Variants in UTRN observed in about 807,000 individuals in gnomAD.
UTRN encodes dystrophin-related protein 1.
UTRN carries 283 observed loss-of-function variants against 463.9 expected under a neutral mutation model. The ratio of observed to expected loss-of-function variants is 0.61; its 90% CI spans 0.55 to 0.67. The LOEUF (loss-of-function observed/expected upper bound fraction) is 0.67, where lower values mean the gene tolerates loss of function less well. UTRN is among the 30% of genes least tolerant of loss of function. UTRN has a pLI of 0.00. For synonymous variants in UTRN, 1,442 were observed against 1,431.5 expected (o/e 1.01, Z -0.17); for missense variants, 3,922 against 4,084.3 (o/e 0.96, Z 1.08).
chr6:144,787,826 G>A (rs1776414964), intron 61 of UTRN, among the ~76,000 whole-genome samples: 1 of 152,078 alleles, frequency 6.6e-6, no homozygotes, highest in African/African-American at 2.4e-5. Context: ...TTTTAAGTGT[G>A]CTGTACTTGT....
intron 51 of UTRN, among the ~76,000 whole-genome samples, chr6:144,635,535 C>CTTTTTTTTTTTTTTTTTT (rs1219903798): frequency 1.2e-4 from 4 of 33,186 alleles, no homozygotes; most frequent in African/African-American, 2.5e-4. Flanking sequence ...TTTTTCTTTT[C>CTTTTTTTTTTTTTTTTTT]TTTTTTTTTT....
intron 51 of UTRN, among the ~76,000 whole-genome samples, chr6:144,606,341 A>T (rs1804846657): frequency 6.6e-6 from 1 of 152,366 alleles, no homozygotes; most frequent in South Asian, 2.1e-4. Flanking sequence ...GAGGGTGTCT[A>T]TGACCTATAA....
chr6:144,732,227 T>C (rs940856142), intron 54 of UTRN, among the ~76,000 whole-genome samples: 5 of 45,972 alleles, frequency 1.1e-4, no homozygotes, highest in Non-Finnish European at 1.1e-4. Context: ...TATATATATA[T>C]ATATATATAT....
At chr6:144,335,211 G>C (rs1406164703) in intron 2 of UTRN, among the ~76,000 whole-genome samples, 4 of 152,188 alleles carry the variant, frequency 2.6e-5, no homozygotes, top group Non-Finnish European at 5.9e-5. Context: ...ATGTGAAATG[G>C]CACATAAGTG....
At chr6:144,403,402 C>G (rs1301067331) in intron 3 of UTRN, among the ~76,000 whole-genome samples, 2 of 152,136 alleles carry the variant, frequency 1.3e-5, no homozygotes, top group African/African-American at 4.8e-5. Flanking sequence ...TTTTACCTGG[C>G]CTTCTCCAGA....
intron 51 of UTRN, among the ~76,000 whole-genome samples, chr6:144,647,988 A>C (rs1407211740): frequency 6.6e-6 from 1 of 152,238 alleles, no homozygotes; most frequent in Admixed American, 6.5e-5. Flanking sequence ...GATGGTAAAC[A>C]CTATGCTATT....
At chr6:144,841,856 A>G (rs182780355) in intron 73 of UTRN, among the ~76,000 whole-genome samples, 1 of 152,244 alleles carries the variant, frequency 6.6e-6, no homozygotes, top group East Asian at 1.9e-4. Flanking sequence ...TCACACCTAT[A>G]ATCCCAGCAC....
Position 144,374,728 on chromosome 6 carries a change from C to G in UTRN, c.80-28395C>G, listed in dbSNP as rs1462582670. 2.0e-5 allele frequency among the ~76,000 whole-genome samples: 3 copies of G among 151,550 alleles called. No individual in the cohort carries two copies. In the East Asian group the frequency reaches 5.9e-4, roughly 30 times the overall value. ...TAATCTCCTGACCTCGGGATCCGCC[C>G]GCCCCTGCCTCCCAAAGTGCTGGGA... On this transcript the variant is annotated intron_variant, in intron 2 of 74. Coordinates refer to ENST00000367545, the MANE Select transcript of UTRN (RefSeq NM_007124.3).
chr6:144,489,690 C>T (rs1243139163), intron 30 of UTRN, among the ~76,000 whole-genome samples: 1 of 152,012 alleles, frequency 6.6e-6, no homozygotes, highest in African/African-American at 2.4e-5. Context: ...GGCGCGATCT[C>T]GGCTCACTGC....
chr6:144,398,749 G>C (rs2114786014), intron 2 of UTRN: 1 of 154,840 alleles, frequency 6.5e-6, no homozygotes, highest in Middle Eastern at 1.9e-3. Flanking sequence ...TTGATAGCCA[G>C]TGAGGTGACA....
At chr6:144,759,467 G>A (rs1792391908) in intron 58 of UTRN, among the ~76,000 whole-genome samples, 1 of 151,992 alleles carries the variant, frequency 6.6e-6, no homozygotes, top group African/African-American at 2.4e-5. Flanking sequence ...TACTGTGGTA[G>A]GCAAAATAAT....
intron 11 of UTRN, among the ~76,000 whole-genome samples, chr6:144,438,213 C>A (rs1332296464): frequency 6.6e-6 from 1 of 152,194 alleles, no homozygotes; most frequent in Non-Finnish European, 1.5e-5. Flanking sequence ...TTGCAGTGAG[C>A]TGAGATTCAG....
Position 144,782,033 on chromosome 6 carries a change from A to G in UTRN, c.8744A>G (p.Tyr2915Cys). Reference protein sequence around the residue: ...PDVINCLTTTYDGLEQMHKDL... With the variant: ...PDVINCLTTTCDGLEQMHKDL... ...GTCATCAACTGTCTGACAACAACTT[A>G]TGATGGACTTGAGCAAATGCATAAG... The change falls in exon 61 of 75, where the codon TAT becomes TGT. Residue 2915 changes from tyrosine to cysteine, a missense_variant. Around this residue, in one of 3 missense-constraint regions of UTRN, gnomAD observed 1,309 missense variants for 1,452.6 expected, o/e 0.90. Coordinates refer to ENST00000367545, the MANE Select transcript of UTRN (RefSeq NM_007124.3). 1 of 1,614,078 alleles carries G rather than the reference A, an allele frequency of 6.2e-7. No individual in the cohort carries two copies. Among genetic ancestry groups the G allele is most frequent in the Non-Finnish European group, 8.5e-7 (1 of 1,179,978 alleles).
At chr6:144,521,877 G>GGACCAA in intron 39 of UTRN, 103 bp from the exon 40 acceptor site, 8 of 754,088 alleles carry the variant, frequency 1.1e-5, no homozygotes, top group Non-Finnish European at 1.4e-5. Context: ...TTTGGTTCAT[G>GGACCAA]ATATTGCATT....
chr6:144,620,065 G>A (rs558618354), intron 51 of UTRN, among the ~76,000 whole-genome samples: 1 of 152,270 alleles, frequency 6.6e-6, no homozygotes, highest in South Asian at 2.1e-4. Context: ...GATGCAAATG[G>A]AGAGTTATAT....
At chr6:144,491,575 G>A (rs58246297) in intron 32 of UTRN, among the ~76,000 whole-genome samples, 2,932 of 152,158 alleles carry the variant, frequency 0.019, 107 homozygotes, top group African/African-American at 0.067. Flanking sequence ...TACTTTTTTA[G>A]TCTTGAACTT....
intron 22 of UTRN, among the ~76,000 whole-genome samples, 183 bp downstream of exon 22, chr6:144,461,525 A>C (rs1584881070): frequency 6.6e-6 from 1 of 152,224 alleles, no homozygotes; most frequent in Non-Finnish European, 1.5e-5. Flanking sequence ...CAGTTATTAA[A>C]AATTTTTTCA....
intron 51 of UTRN, among the ~76,000 whole-genome samples, chr6:144,613,130 A>T (rs1281138825): frequency 6.6e-6 from 1 of 152,082 alleles, no homozygotes; most frequent in Non-Finnish European, 1.5e-5. Context: ...ACTGCCTGAT[A>T]TCACTTATCT....
At chr6:144,792,078 A>C (rs1776808499) in intron 62 of UTRN, among the ~76,000 whole-genome samples, 1 of 152,224 alleles carries the variant, frequency 6.6e-6, no homozygotes, top group Non-Finnish European at 1.5e-5. Flanking sequence ...AACCAAATCT[A>C]AGTGAAAAAA....
Sources: gnomAD v4.1 joint callset for allele counts (sites outside exome capture counted in the v4.1 genomes callset) on GRCh38, gnomAD v4.1.1 for gene constraint, gnomAD v4.1.1 regional missense constraint, MANE v1.5 for transcripts, NCBI Gene and HGNC (gene_info 2026-07-23, HGNC 2026-07-21) for gene names.